The following TCERG1L variants were observed in gnomAD, a reference collection of about 807,000 sequenced individuals.
TCERG1L encodes transcription elongation regulator 1-like protein.
In TCERG1L, 37 loss-of-function variants were observed where a neutral mutation model predicts 56.3. The observed-to-expected ratio is 0.66, with a 90% CI of 0.51 to 0.87. The LOEUF (loss-of-function observed/expected upper bound fraction) is 0.87, where lower values mean the gene tolerates loss of function less well. Ranked by LOEUF, TCERG1L falls within the 40% of genes least tolerant of loss-of-function variation. TCERG1L has a pLI of 0.00. For missense variants in TCERG1L, 799 were observed against 774.2 expected (o/e 1.03, Z -0.38); for synonymous variants, 324 against 326.3 (o/e 0.99, Z 0.08).
At chr10:131,292,458 T>A (rs1486873545) in intron 3 of TCERG1L, among the ~76,000 whole-genome samples, 1 of 152,244 alleles carries the variant, frequency 6.6e-6, no homozygotes, top group Non-Finnish European at 1.5e-5. Flanking sequence ...CAATACTTTG[T>A]AGGATTTGTA....
At chr10:131,203,662 G>C (rs2944480) in intron 4 of TCERG1L, among the ~76,000 whole-genome samples, 135,810 of 152,220 alleles carry the variant, frequency 0.89, 60,799 homozygotes, top group Admixed American at 0.93. Flanking sequence ...CTGCCATACC[G>C]AGTTTCAGAG....
In TCERG1L at chr10:131,147,675, A is replaced by C. The variant is rs113661977; in HGVS notation, c.1035-1015T>G. On this transcript the variant is annotated intron_variant, in intron 6 of 11. Coordinates refer to ENST00000368642, the MANE Select transcript of TCERG1L (RefSeq NM_174937.4). ...CTTCAGAAGGTCCCTCTGGCTCCGC[A>C]AGTCTCCTGGGACTTTTCAGATGTG... Among the ~76,000 whole-genome samples the C allele has an allele frequency of 5.8e-4, 88 of 152,336 alleles. 2 individuals carry two copies. Among genetic ancestry groups the C allele is most frequent in the African/African-American group, 1.8e-3 (73 of 41,592 alleles).
At chr10:131,221,366 G>A (rs535454140) in intron 4 of TCERG1L, among the ~76,000 whole-genome samples, 1 of 152,330 alleles carries the variant, frequency 6.6e-6, no homozygotes, top group Non-Finnish European at 1.5e-5. Context: ...GTTTTCTACA[G>A]AAATCTCCAA....
intron 6 of TCERG1L, chr10:131,162,155 T>C (rs1390789442): frequency 1.3e-5 from 2 of 152,168 alleles, no homozygotes; most frequent in African/African-American, 4.8e-5. Context: ...TAACTCCCAG[T>C]AGTTAGCATC....
intron 4 of TCERG1L, among the ~76,000 whole-genome samples, chr10:131,231,922 G>A (rs1845856989): frequency 6.6e-6 from 1 of 152,174 alleles, no homozygotes; most frequent in South Asian, 2.1e-4. Context: ...CTGAGCGGGG[G>A]CTGATGCAGA....
chr10:131,120,625 C>T (rs919759425), intron 8 of TCERG1L, among the ~76,000 whole-genome samples: 2 of 152,228 alleles, frequency 1.3e-5, no homozygotes, highest in African/African-American at 2.4e-5. Context: ...TAGGCTGACA[C>T]CCAGGTGCCT....
chr10:131,110,694 C>G (rs1401242006), intron 9 of TCERG1L, among the ~76,000 whole-genome samples: 1 of 152,240 alleles, frequency 6.6e-6, no homozygotes, highest in Non-Finnish European at 1.5e-5. Context: ...CCAGGGAAAA[C>G]TAGATCTAAC....
At chr10:131,224,981 AC>A (rs1242788322) in intron 4 of TCERG1L, among the ~76,000 whole-genome samples, 1 of 152,136 alleles carries the variant, frequency 6.6e-6, no homozygotes, top group Non-Finnish European at 1.5e-5. Flanking sequence ...CGCAGTGTGG[AC>A]CTGCCGTGTG....
chr10:131,310,937 G>A (rs1846883562), intron 1 of TCERG1L, among the ~76,000 whole-genome samples: 1 of 152,238 alleles, frequency 6.6e-6, no homozygotes, highest in Non-Finnish European at 1.5e-5. Flanking sequence ...TCTCCGCGAT[G>A]TCAGCCACGG....
chr10:131,275,050 G>T (rs569551996), intron 3 of TCERG1L, among the ~76,000 whole-genome samples: 275 of 152,192 alleles, frequency 1.8e-3, no homozygotes, highest in South Asian at 5.2e-3. Context: ...ATACTCAAAG[G>T]TGCCCACATT....
intron 9 of TCERG1L, among the ~76,000 whole-genome samples, chr10:131,110,640 A>C (rs998218348): frequency 1.3e-5 from 2 of 152,200 alleles, no homozygotes; most frequent in Non-Finnish European, 2.9e-5. Context: ...AAGGCAGCCA[A>C]GACCTTGGGC....
chr10:131,285,522 AAGAG>A (rs201953189), intron 3 of TCERG1L, among the ~76,000 whole-genome samples: 2,389 of 14,740 alleles, frequency 0.16, 190 homozygotes, highest in South Asian at 0.34. Context: ...GAAAGAAAGA[AAGAG>A]AGAAAGAAAA....
chr10:131,283,750 T>C (rs1298037702), intron 3 of TCERG1L, among the ~76,000 whole-genome samples: 3 of 152,112 alleles, frequency 2.0e-5, no homozygotes, highest in Admixed American at 1.3e-4. Context: ...AACAGCATAT[T>C]TGACATAAAT....
At chr10:131,245,508 C>A (rs1846022437) in intron 4 of TCERG1L, among the ~76,000 whole-genome samples, 1 of 152,200 alleles carries the variant, frequency 6.6e-6, no homozygotes, top group Admixed American at 6.5e-5. Context: ...CTCCAGCCTT[C>A]TGCATTTCCA....
chr10:131,108,381 G>A (rs1222980540), intron 9 of TCERG1L, among the ~76,000 whole-genome samples: 2 of 152,054 alleles, frequency 1.3e-5, no homozygotes, highest in African/African-American at 4.8e-5. Flanking sequence ...CCTGGTCCTG[G>A]GGGACTGGTT....
At chr10:131,144,649 A>T (rs1845775496) in intron 7 of TCERG1L, among the ~76,000 whole-genome samples, 1 of 152,236 alleles carries the variant, frequency 6.6e-6, no homozygotes, top group African/African-American at 2.4e-5. Context: ...AAGTAAGATT[A>T]AAAATCGTTT....
At position 131,141,920 on chromosome 10, in the gene TCERG1L, G is replaced by A. The variant is rs534879501; in HGVS notation, c.1189+4586C>T. On this transcript the variant is annotated intron_variant, in intron 7 of 11. Coordinates refer to ENST00000368642, the MANE Select transcript of TCERG1L (RefSeq NM_174937.4). ...TGTCCTAGAGACTCTCCCAGCTCCC[G>A]CACATCCCAGCTCACCCCTTCCCTT... Among the ~76,000 whole-genome samples the A allele has an allele frequency of 4.0e-4, 61 of 152,098 alleles. 1 individual carries two copies. Among genetic ancestry groups the A allele is most frequent in the South Asian group, 1.0e-3 (5 of 4,810 alleles).
chr10:131,220,136 T>C lies in TCERG1L; in HGVS notation c.856+40123A>G, dbSNP rs570792654. The stretch of plus-strand genomic sequence containing the variant: ...TTTCAGAGCCTCCAAGCCTCGTCCA[T>C]AGTGAGGCTTCTCCTGGCGACTGTT... On this transcript the variant is annotated intron_variant, in intron 4 of 11. Coordinates refer to ENST00000368642, the MANE Select transcript of TCERG1L (RefSeq NM_174937.4). 2.6e-5 allele frequency among the ~76,000 whole-genome samples: 4 copies of C among 152,222 alleles called. No individual in the cohort carries two copies. In the East Asian group the frequency reaches 7.8e-4, roughly 30 times the overall value.
At chr10:131,296,197 G>A (rs895868153) in intron 3 of TCERG1L, among the ~76,000 whole-genome samples, 2 of 151,948 alleles carry the variant, frequency 1.3e-5, no homozygotes, top group East Asian at 1.9e-4. Context: ...TCCAATCCAA[G>A]GTCACAACAT....
Sources: gnomAD v4.1 joint callset for allele counts (sites outside exome capture counted in the v4.1 genomes callset) on GRCh38, gnomAD v4.1.1 for gene constraint, MANE v1.5 for transcripts, NCBI Gene and HGNC (gene_info 2026-07-23, HGNC 2026-07-21) for gene names.